GREB1L: variants seen among roughly 807,000 people sequenced by gnomAD.
GREB1L encodes GREB1 like retinoic acid receptor coactivator.
In GREB1L, 17 loss-of-function variants were observed where a neutral mutation model predicts 200.8. The ratio of observed to expected loss-of-function variants is 0.08; its 90% confidence interval spans 0.06 to 0.13. GREB1L has a LOEUF of 0.13. GREB1L is among the 10% of genes least tolerant of loss of function. The pLI is 1.00. For missense variants in GREB1L, 1,657 were observed against 2,367.7 expected (o/e 0.70, Z 6.23); for synonymous variants, 789 against 893.0 (o/e 0.88, Z 2.08).
At chr18:21,321,953 A>G (rs1212009206) in intron 1 of GREB1L, among the ~76,000 whole-genome samples, 2 of 152,216 alleles carry the variant, frequency 1.3e-5, no homozygotes, top group Non-Finnish European at 2.9e-5. Flanking sequence ...AATACTAGGA[A>G]CATTCCACAT....
At chr18:21,330,834 C>T (rs2039096791) in intron 1 of GREB1L, among the ~76,000 whole-genome samples, 1 of 152,102 alleles carries the variant, frequency 6.6e-6, no homozygotes, top group South Asian at 2.1e-4. Flanking sequence ...CTCCCCACTT[C>T]CTCCCGACCT....
At chr18:21,314,929 G>A (rs949529344) in intron 1 of GREB1L, among the ~76,000 whole-genome samples, 1 of 152,162 alleles carries the variant, frequency 6.6e-6, no homozygotes, top group African/African-American at 2.4e-5. Context: ...TCAGCTTCCT[G>A]TCTTGAAACA....
chr18:21,522,811 G>T lies in GREB1L; in HGVS notation c.5762G>T (p.Arg1921Leu), dbSNP rs1369183361. Residue 1921 changes from arginine (R) to leucine (L), a missense_variant, in exon 33 of 33, where the codon CGT becomes CTT. By Grantham distance (102) the Arg-to-Leu change is moderately radical. Transcript: ENST00000424526. ...AAGCCTCTCTACTTTCTTACTGGAC[G>T]TCATGTATGAGCTTTTGAAGAGACC... ...DDKPLYFLTG[R>L]HV is the part of the protein sequence containing the mutation. The T allele has an allele frequency of 6.4e-7, 1 of 1,550,676 alleles. No homozygotes were observed. Among genetic ancestry groups the T allele is most frequent in the South Asian group, 1.2e-5 (1 of 83,812 alleles).
At chr18:21,514,748 ACTGT>A (rs1318614511) in intron 28 of GREB1L, among the ~76,000 whole-genome samples, 5 of 152,276 alleles carry the variant, frequency 3.3e-5, no homozygotes, top group African/African-American at 1.2e-4. Context: ...ATGCTTCTTA[ACTGT>A]CTGTATGAAA....
intron 22 of GREB1L, 82 bp downstream of exon 22, chr18:21,500,388 G>A (rs2036736852): frequency 2.4e-6 from 2 of 838,228 alleles, no homozygotes; most frequent in Non-Finnish European, 3.9e-6. Context: ...AAAACCTCTT[G>A]GGGGTGGAGC....
At chr18:21,281,281 C>T (rs1032058571) in intron 1 of GREB1L, among the ~76,000 whole-genome samples, 1 of 152,220 alleles carries the variant, frequency 6.6e-6, no homozygotes, top group Non-Finnish European at 1.5e-5. Flanking sequence ...AAGCTTCCCT[C>T]ATTGCTGAGT....
chr18:21,467,950 G>C (rs1261916140), intron 15 of GREB1L, among the ~76,000 whole-genome samples: 1 of 151,446 alleles, frequency 6.6e-6, no homozygotes, highest in Non-Finnish European at 1.5e-5. Context: ...GCATGAACCC[G>C]GGAGGTGGAG....
intron 15 of GREB1L, chr18:21,468,647 C>G (rs2035360076): frequency 3.1e-5 from 14 of 453,242 alleles, no homozygotes; most frequent in Middle Eastern, 3.2e-4. Flanking sequence ...ATTATCAGAG[C>G]AGGAACTCAG....
rs1387544489 is a variant in GREB1L, at chr18:21,452,133, A to G, written c.1900A>G (p.Ser634Gly). ...AAAAATGCAACAAAGAAGAGGAGAC[A>G]GTGTGGTTACCCCTTTCGATGGAGA... ...LEKMQQRRGD[S>G]VVTPFDGDLN... is the part of the protein sequence containing the mutation. The change falls in exon 14 of 33, where the codon AGT becomes GGT. Residue 634 changes from serine (S) to glycine (G), a missense_variant. Physicochemically the swap from Ser to Gly is moderately conservative, Grantham distance 56. Coordinates refer to ENST00000424526, the MANE Select transcript of GREB1L (RefSeq NM_001142966.3). The G allele has an allele frequency of 6.4e-7, 1 of 1,551,962 alleles. No individual in the cohort carries two copies. Among genetic ancestry groups the G allele is most frequent in the African/African-American group, 1.4e-5 (1 of 73,062 alleles).
intron 2 of GREB1L, among the ~76,000 whole-genome samples, chr18:21,382,397 G>A (rs1454156705): frequency 6.6e-6 from 1 of 151,942 alleles, no homozygotes; most frequent in East Asian, 1.9e-4. Flanking sequence ...AGAAGGGTAG[G>A]GTCTTGGCCC....
intron 2 of GREB1L, among the ~76,000 whole-genome samples, chr18:21,382,738 C>T (rs2040373998): frequency 6.6e-6 from 1 of 152,034 alleles, no homozygotes; most frequent in Admixed American, 6.5e-5. Flanking sequence ...TCACCTGCCC[C>T]AGCCTCCCAA....
In GREB1L at chr18:21,251,257, CTATT is replaced by C. The variant is rs540680218; in HGVS notation, c.-120+8868_-120+8871del. On this transcript the variant is annotated intron_variant, in intron 1 of 32. Transcript: ENST00000424526. The stretch of plus-strand genomic sequence containing the variant: ...TTTTCACTCCAACAATGTCACTCAT[CTATT>C]TATGTTGTTACAACTTTTTCCATGA... 4.6e-5 allele frequency among the ~76,000 whole-genome samples: 7 copies of C among 152,232 alleles called. No individual in the cohort carries two copies. The South Asian group carries it at 1.5e-3, about 32-fold the overall frequency.
chr18:21,296,604 C>G (rs1341786099), intron 1 of GREB1L, among the ~76,000 whole-genome samples: 1 of 150,952 alleles, frequency 6.6e-6, no homozygotes, highest in East Asian at 1.9e-4. Context: ...AGTACATACA[C>G]ATAAATGAAA....
At chr18:21,338,771 G>T (rs1047762061) in intron 1 of GREB1L, among the ~76,000 whole-genome samples, 2 of 152,188 alleles carry the variant, frequency 1.3e-5, no homozygotes, top group African/African-American at 4.8e-5. Context: ...TCCTTTAGGA[G>T]GTTCCTTATA....
intron 17 of GREB1L, among the ~76,000 whole-genome samples, chr18:21,483,775 G>A (rs1205125772): frequency 1.3e-5 from 2 of 151,942 alleles, no homozygotes; most frequent in South Asian, 2.1e-4. Context: ...TCAGGAATTC[G>A]ACACCAGCCT....
chr18:21,453,235 G>A (rs1402414766), intron 14 of GREB1L, among the ~76,000 whole-genome samples: 1 of 152,202 alleles, frequency 6.6e-6, no homozygotes, highest in Non-Finnish European at 1.5e-5. Flanking sequence ...TTAGTAGTCT[G>A]TGGTACAAAG....
rs142800369 is a variant in GREB1L at position 21,485,136 on chromosome 18, A to G, written c.2557-484A>G. 1.3e-4 allele frequency among the ~76,000 whole-genome samples: 20 copies of G among 152,340 alleles called. No homozygotes were observed. The East Asian group carries it at 3.3e-3, about 25-fold the overall frequency. ...TGTGGATCCTGTTAAAGGAAAGCAT[A>G]TATTCCATTTTTAAAGTAAAATTTG... is the stretch of plus-strand genomic sequence containing the variant. On this transcript the variant is annotated intron_variant, in intron 17 of 32. Transcript: ENST00000424526.
At chr18:21,349,151 AC>A (rs2039397384) in intron 1 of GREB1L, among the ~76,000 whole-genome samples, 1 of 152,002 alleles carries the variant, frequency 6.6e-6, no homozygotes, top group African/African-American at 2.4e-5. Context: ...TCCTGCAGAA[AC>A]TTTTTATCTG....
chr18:21,279,837 G>A (rs1354753397), intron 1 of GREB1L, among the ~76,000 whole-genome samples: 1 of 152,150 alleles, frequency 6.6e-6, no homozygotes, highest in Non-Finnish European at 1.5e-5. Context: ...TTAAAAAACA[G>A]TACTTTATTG....
Sources: gnomAD v4.1 joint callset for allele counts (sites outside exome capture counted in the v4.1 genomes callset) on GRCh38, gnomAD v4.1.1 for gene constraint, MANE v1.5 for transcripts, NCBI Gene and HGNC (gene_info 2026-07-23, HGNC 2026-07-21) for gene names.